RAD51B: variants seen among roughly 807,000 people sequenced by gnomAD.
The protein encoded by RAD51B is RAD51 paralog B.
A neutral mutation model predicts 42.2 loss-of-function variants in RAD51B; 38 were observed. That is an observed-to-expected ratio of 0.90 (90% confidence interval 0.70 to 1.18). RAD51B has a LOEUF of 1.18. Ranked by LOEUF, RAD51B falls within the 50% of genes most tolerant of loss-of-function variation. The pLI is 0.00. For missense variants in RAD51B, 373 were observed against 400.7 expected, an observed-to-expected ratio of 0.93 and a Z score of 0.59; for synonymous variants, 154 against 145.2, an observed-to-expected ratio of 1.06 and a Z score of -0.43.
chr14:68,350,737 T>C (rs1329814628), intron 8 of RAD51B, among the ~76,000 whole-genome samples: 3 of 152,226 alleles, frequency 2.0e-5, no homozygotes, highest in Non-Finnish European at 2.9e-5. Context: ...CCCCAGGATA[T>C]CTAACTCCCT....
intron 10 of RAD51B, among the ~76,000 whole-genome samples, chr14:68,517,223 G>A (rs1279902512): frequency 6.9e-6 from 1 of 145,632 alleles, no homozygotes; most frequent in East Asian, 1.9e-4. Flanking sequence ...AGAAAGGGAA[G>A]GGAAGGGAAG....
chr14:68,048,565 A>C (rs1179691329), intron 7 of RAD51B, among the ~76,000 whole-genome samples: 1 of 152,112 alleles, frequency 6.6e-6, no homozygotes, highest in Non-Finnish European at 1.5e-5. Flanking sequence ...TAGGGTTTTT[A>C]TGGTTTTAGG....
intron 10 of RAD51B, among the ~76,000 whole-genome samples, chr14:68,505,753 A>G (rs976705246): frequency 6.6e-6 from 1 of 151,962 alleles, no homozygotes; most frequent in African/African-American, 2.4e-5. Context: ...GGGTTTCACC[A>G]TGTTGGCCAG....
intron 11 of RAD51B, among the ~76,000 whole-genome samples, chr14:68,656,052 G>C (rs1300041107): frequency 6.6e-6 from 1 of 152,190 alleles, no homozygotes; most frequent in Non-Finnish European, 1.5e-5. Context: ...TCCAGGTGCT[G>C]GCTTTTAGCA....
intron 9 of RAD51B, among the ~76,000 whole-genome samples, chr14:68,416,387 A>T (rs762836134): frequency 1.3e-5 from 2 of 152,142 alleles, no homozygotes; most frequent in Non-Finnish European, 2.9e-5. Flanking sequence ...GCCCTGAATT[A>T]TGAGCCCCTT....
At chr14:68,433,709 G>A (rs146159779) in intron 9 of RAD51B, among the ~76,000 whole-genome samples, 23,969 of 152,126 alleles carry the variant, frequency 0.16, 2,506 homozygotes, top group Non-Finnish European at 0.23. Context: ...CCTTTAGCTC[G>A]GAGAAGTTTG....
rs952833333 is a variant in RAD51B, at chr14:68,230,375, A to C, written c.757-61509A>C. Among the ~76,000 whole-genome samples, 9 of 152,188 alleles carry C rather than the reference A, an allele frequency of 5.9e-5. No individual in the cohort carries two copies. In the East Asian group the frequency reaches 1.7e-3, roughly 29 times the overall value. On this transcript the variant is annotated intron_variant, in intron 7 of 10. Coordinates refer to ENST00000471583, the MANE Select transcript of RAD51B (RefSeq NM_133510.4). Reference sequence around the variant, plus strand: ...CTAATGGTCACGTCAAGGCACCACCACTGGAATGAGTTCACTCCAGACATT... The same window carrying C: ...CTAATGGTCACGTCAAGGCACCACCCCTGGAATGAGTTCACTCCAGACATT...
At chr14:68,368,982 T>C (rs1432767949) in intron 8 of RAD51B, among the ~76,000 whole-genome samples, 1 of 152,228 alleles carries the variant, frequency 6.6e-6, no homozygotes, top group East Asian at 1.9e-4. Context: ...TGTTTTTATT[T>C]TTTAGGGTTT....
At chr14:68,002,311 A>G (rs1257064891) in intron 7 of RAD51B, among the ~76,000 whole-genome samples, 1 of 152,026 alleles carries the variant, frequency 6.6e-6, no homozygotes, top group Non-Finnish European at 1.5e-5. Context: ...TTTTTGTTAT[A>G]TATTTGTTAG....
intron 11 of RAD51B, among the ~76,000 whole-genome samples, chr14:68,668,416 C>A (rs117142678): frequency 3.9e-5 from 6 of 152,220 alleles, no homozygotes; most frequent in Non-Finnish European, 7.3e-5. Context: ...CATTCCACTC[C>A]ACTTCCCGGC....
At chr14:68,273,242 C>A (rs374401601) in intron 7 of RAD51B, among the ~76,000 whole-genome samples, 97 of 152,232 alleles carry the variant, frequency 6.4e-4, no homozygotes, top group Middle Eastern at 3.4e-3. Flanking sequence ...AGCTCCTGAG[C>A]AGGAGGAGGC....
chr14:68,533,131 T>C (rs1271159941), intron 10 of RAD51B, among the ~76,000 whole-genome samples: 1 of 152,192 alleles, frequency 6.6e-6, no homozygotes, highest in Non-Finnish European at 1.5e-5. Flanking sequence ...TCTTTAAAGA[T>C]AATATGATTA....
chr14:67,943,717 G>A (rs2045286340), intron 7 of RAD51B, among the ~76,000 whole-genome samples: 1 of 152,130 alleles, frequency 6.6e-6, no homozygotes, highest in Non-Finnish European at 1.5e-5. Context: ...CATATGGTAA[G>A]CCCTCAATAA....
At chr14:68,166,146 G>C (rs2140840600) in intron 7 of RAD51B, among the ~76,000 whole-genome samples, 1 of 148,472 alleles carries the variant, frequency 6.7e-6, no homozygotes, top group African/African-American at 2.5e-5. Context: ...CCTACTGGAA[G>C]ACCAGGTACA....
At position 68,278,123 on chromosome 14, in the gene RAD51B, T is replaced by G. The variant is rs192455187; in HGVS notation, c.757-13761T>G. ...CACTTCTTGGCATCTTGCTTTTCTC[T>G]CCTATGAAATAGGCAATACTAGTTG... On this transcript the variant is annotated intron_variant, in intron 7 of 10. Transcript: ENST00000471583. Among the ~76,000 whole-genome samples the G allele has an allele frequency of 2.7e-3, 406 of 152,326 alleles. 1 individual carries two copies. The highest frequency in any genetic ancestry group is 4.5e-3 in the Non-Finnish European group (306 of 68,032).
chr14:68,140,653 G>T (rs1420121378), intron 7 of RAD51B, among the ~76,000 whole-genome samples: 1 of 152,168 alleles, frequency 6.6e-6, no homozygotes, highest in African/African-American at 2.4e-5. Context: ...CACTTTCAAG[G>T]TTCACTAATC....
intron 7 of RAD51B, among the ~76,000 whole-genome samples, chr14:67,967,537 A>G (rs1336709938): frequency 2.0e-5 from 3 of 152,220 alleles, no homozygotes; most frequent in African/African-American, 2.4e-5. Flanking sequence ...GCCATTTCAG[A>G]TGGGAGAAAT....
intron 7 of RAD51B, among the ~76,000 whole-genome samples, chr14:67,911,629 A>AT (rs1352871157): frequency 1.3e-5 from 2 of 151,940 alleles, no homozygotes; most frequent in Non-Finnish European, 2.9e-5. Flanking sequence ...CTTTGATATG[A>AT]TTTTTTTCAT....
At chr14:67,913,140 A>G (rs945316787) in intron 7 of RAD51B, among the ~76,000 whole-genome samples, 1 of 152,174 alleles carries the variant, frequency 6.6e-6, no homozygotes. Flanking sequence ...AATGCCTTTT[A>G]GTTCTTACTG....
Sources: gnomAD v4.1 joint callset for allele counts (sites outside exome capture counted in the v4.1 genomes callset) on GRCh38, gnomAD v4.1.1 for gene constraint, MANE v1.5 for transcripts, NCBI Gene and HGNC (gene_info 2026-07-23, HGNC 2026-07-21) for gene names.